The following OPCML variants were observed in gnomAD, a reference collection of about 807,000 sequenced individuals.
OPCML encodes opioid binding protein/cell adhesion molecule like.
Under a neutral mutation model 37.8 loss-of-function variants are expected in OPCML, and 13 were observed. The observed-to-expected ratio is 0.34, with a 90% CI of 0.22 to 0.55. The LOEUF (loss-of-function observed/expected upper bound fraction) is 0.55, where lower values mean the gene tolerates loss of function less well. OPCML is among the 20% of genes least tolerant of loss of function. The probability of loss-of-function intolerance (pLI) is 0.91; values close to 1 mark genes in which losing one functional copy is unlikely to be tolerated. For synonymous variants in OPCML, 176 were observed against 168.8 expected (o/e 1.04, Z -0.33); for missense variants, 341 against 435.6 (o/e 0.78, Z 1.93).
chr11:132,847,735 T>C (rs1252390618), intron 2 of OPCML, among the ~76,000 whole-genome samples: 3 of 152,262 alleles, frequency 2.0e-5, no homozygotes, highest in Non-Finnish European at 4.4e-5. Context: ...TGGAGGATTC[T>C]GTTTCTCTTT....
intron 5 of OPCML, 97 bp downstream of exon 5, chr11:132,437,125 C>CTGGG: frequency 5.2e-6 from 8 of 1,528,802 alleles, no homozygotes; most frequent in Non-Finnish European, 7.1e-6. Flanking sequence ...TGGCAGGAAC[C>CTGGG]TGGGTCCTTT....
chr11:132,770,829 G>A (rs1457080912), intron 2 of OPCML, among the ~76,000 whole-genome samples: 1 of 152,134 alleles, frequency 6.6e-6, no homozygotes, highest in Non-Finnish European at 1.5e-5. Context: ...GGGACTCAGG[G>A]GGCCCAGTGA....
intron 2 of OPCML, chr11:132,859,297 G>A (rs1370717379): frequency 6.6e-6 from 1 of 152,146 alleles, no homozygotes; most frequent in African/African-American, 2.4e-5. Flanking sequence ...AAAGTATCAG[G>A]TTTTCAGAGG....
At chr11:132,591,052 C>T (rs1352595575) in intron 3 of OPCML, among the ~76,000 whole-genome samples, 2 of 152,118 alleles carry the variant, frequency 1.3e-5, no homozygotes, top group Non-Finnish European at 2.9e-5. Context: ...ATTTCTCCTC[C>T]CTTCCGTCTT....
rs140041106 is a variant in OPCML at position 133,221,219 on chromosome 11, T to C, written c.62-278209A>G. On this transcript the variant is annotated intron_variant, in intron 1 of 7. Coordinates refer to ENST00000524381, the MANE Select transcript of OPCML (RefSeq NM_001012393.5). ...CCGGCCACCGTGTGTGATGGCACAGTGACAAGGTGATTGCTCACTTGAGGA... is the reference window on the plus strand; with the variant it reads ...CCGGCCACCGTGTGTGATGGCACAGCGACAAGGTGATTGCTCACTTGAGGA... Among the ~76,000 whole-genome samples the C allele has an allele frequency of 3.4e-3, 523 of 152,316 alleles. 3 individuals carry two copies. Among genetic ancestry groups the C allele is most frequent in the African/African-American group, 0.01 (430 of 41,570 alleles).
intron 1 of OPCML, among the ~76,000 whole-genome samples, chr11:133,442,869 C>T (rs1946393384): frequency 6.6e-6 from 1 of 151,920 alleles, no homozygotes; most frequent in South Asian, 2.1e-4. Flanking sequence ...ACTGTTTTCA[C>T]TATTACCAAT....
chr11:132,637,260 C>T (rs570895757), intron 3 of OPCML, among the ~76,000 whole-genome samples: 3 of 151,962 alleles, frequency 2.0e-5, no homozygotes, highest in Non-Finnish European at 4.4e-5. Flanking sequence ...CTATTTCCAC[C>T]GTTTTTTTCC....
At position 132,767,811 on chromosome 11, in the gene OPCML, GA is replaced by G. The variant is rs71067394; in HGVS notation, c.147-110493del. 3.6e-3 allele frequency among the ~76,000 whole-genome samples: 530 copies of G among 147,512 alleles called. 3 individuals are homozygous for G. The highest frequency in any genetic ancestry group is 0.011 in the African/African-American group (461 of 40,288). ...TAGAAATATTCAATATAATAGCTTG[GA>G]AAAAAAAAACCCTCCTGCAGTTGAA... On this transcript the variant is annotated intron_variant, in intron 2 of 7. Coordinates refer to ENST00000524381, the MANE Select transcript of OPCML (RefSeq NM_001012393.5).
chr11:133,087,237 T>C (rs1335373157), intron 1 of OPCML, among the ~76,000 whole-genome samples: 1 of 152,242 alleles, frequency 6.6e-6, no homozygotes, highest in Non-Finnish European at 1.5e-5. Context: ...GTTGATTTTT[T>C]TAAATAGCAG....
intron 3 of OPCML, among the ~76,000 whole-genome samples, chr11:132,618,972 C>T (rs201268796): frequency 9.8e-6 from 1 of 102,262 alleles, no homozygotes; most frequent in East Asian, 6.2e-4. Flanking sequence ...CACACACACA[C>T]ACACACACAC....
At chr11:132,727,741 A>C (rs185229859) in intron 2 of OPCML, among the ~76,000 whole-genome samples, 1 of 152,298 alleles carries the variant, frequency 6.6e-6, no homozygotes, top group Non-Finnish European at 1.5e-5. Context: ...TCGGGAAAAT[A>C]CTCATGGAAT....
At chr11:133,033,672 C>T (rs976755415) in intron 1 of OPCML, among the ~76,000 whole-genome samples, 1 of 152,130 alleles carries the variant, frequency 6.6e-6, no homozygotes, top group African/African-American at 2.4e-5. Context: ...GAGCATTTTG[C>T]TATATTAACA....
chr11:132,504,261 G>A (rs754919732), intron 4 of OPCML, among the ~76,000 whole-genome samples: 14 of 152,078 alleles, frequency 9.2e-5, no homozygotes, highest in Non-Finnish European at 1.0e-4. Flanking sequence ...GTAAGTACAC[G>A]CCTCCATAGC....
chr11:133,040,702 C>T (rs535508373), intron 1 of OPCML, among the ~76,000 whole-genome samples: 7 of 151,870 alleles, frequency 4.6e-5, no homozygotes, highest in Non-Finnish European at 1.0e-4. Flanking sequence ...CTCTTGCTTG[C>T]TTGGGCGGGG....
intron 1 of OPCML, among the ~76,000 whole-genome samples, chr11:133,000,564 TGCA>T (rs1946979396): frequency 6.6e-6 from 1 of 152,188 alleles, no homozygotes; most frequent in Non-Finnish European, 1.5e-5. Context: ...AATGTATAAT[TGCA>T]GCTGGGTTTA....
At chr11:133,155,632 A>C (rs773979085) in intron 1 of OPCML, among the ~76,000 whole-genome samples, 1 of 152,146 alleles carries the variant, frequency 6.6e-6, no homozygotes, top group Non-Finnish European at 1.5e-5. Context: ...TACTATATAT[A>C]ATCTATACAT....
chr11:132,523,566 G>A (rs144635371), intron 4 of OPCML, among the ~76,000 whole-genome samples: 237 of 152,246 alleles, frequency 1.6e-3, no homozygotes, highest in Admixed American at 4.8e-3. Flanking sequence ...CTGACTTTAG[G>A]AAGAACTGAC....
intron 2 of OPCML, among the ~76,000 whole-genome samples, chr11:132,881,136 G>A (rs1412343217): frequency 2.0e-5 from 3 of 152,206 alleles, no homozygotes; most frequent in Non-Finnish European, 1.5e-5. Flanking sequence ...TGAAGCACTG[G>A]GAAGTAATTT....
intron 1 of OPCML, among the ~76,000 whole-genome samples, chr11:132,976,058 G>T (rs564087660): frequency 1.3e-5 from 2 of 152,126 alleles, no homozygotes; most frequent in East Asian, 1.9e-4. Context: ...ACTAAAGCTC[G>T]TTTCAAAGAT....
Sources: gnomAD v4.1 joint callset for allele counts (sites outside exome capture counted in the v4.1 genomes callset) on GRCh38, gnomAD v4.1.1 for gene constraint, MANE v1.5 for transcripts, NCBI Gene and HGNC (gene_info 2026-07-23, HGNC 2026-07-21) for gene names.